Variants in MBD5 observed in about 807,000 individuals in gnomAD.
MBD5 encodes the protein methyl-CpG-binding domain protein 5.
A neutral mutation model predicts 117.3 loss-of-function variants in MBD5; 13 were observed. The ratio of observed to expected loss-of-function variants is 0.11; its 90% CI spans 0.07 to 0.18. MBD5 has a LOEUF of 0.18. Ranked by LOEUF, MBD5 falls within the 10% of genes least tolerant of loss-of-function variation. MBD5 has a pLI of 1.00. For synonymous variants in MBD5, 727 were observed against 766.4 expected (o/e 0.95, Z 0.85); for missense variants, 1,879 against 2,093.8 (o/e 0.90, Z 2.00).
intron 1 of MBD5, among the ~76,000 whole-genome samples, chr2:148,148,408 C>T (rs886166716): frequency 3.3e-5 from 5 of 152,238 alleles, no homozygotes; most frequent in Admixed American, 3.3e-4. Context: ...AATTAAAATG[C>T]CACAAGATTC....
At chr2:148,251,601 A>C (rs1356562807) in intron 3 of MBD5, among the ~76,000 whole-genome samples, 1 of 152,194 alleles carries the variant, frequency 6.6e-6, no homozygotes, top group African/African-American at 2.4e-5. Flanking sequence ...CGTAATTCCT[A>C]TTCAATTGAA....
At chr2:148,154,838 C>T (rs1428660001) in intron 1 of MBD5, among the ~76,000 whole-genome samples, 1 of 152,272 alleles carries the variant, frequency 6.6e-6, no homozygotes, top group South Asian at 2.1e-4. Flanking sequence ...GTCTGGCACT[C>T]CCTAGTGAGA....
chr2:148,225,161 A>G (rs1326444731), intron 2 of MBD5, among the ~76,000 whole-genome samples: 1 of 151,992 alleles, frequency 6.6e-6, no homozygotes, highest in East Asian at 1.9e-4. Flanking sequence ...TCTTCCCTTC[A>G]GTGAAGGTGA....
At chr2:148,188,976 G>T (rs527809610) in intron 2 of MBD5, among the ~76,000 whole-genome samples, 4 of 150,616 alleles carry the variant, frequency 2.7e-5, no homozygotes, top group African/African-American at 7.4e-5. Context: ...TTCCCTTTCC[G>T]AGTCAAAGAA....
intron 1 of MBD5, among the ~76,000 whole-genome samples, chr2:148,133,268 A>G (rs1424987511): frequency 6.6e-6 from 1 of 152,138 alleles, no homozygotes; most frequent in African/African-American, 2.4e-5. Context: ...TTCCTCTTGG[A>G]GTTGTTAAAT....
In MBD5 at chr2:148,296,863, AATTTT is replaced by A. The variant is rs1014321398; in HGVS notation, c.-679-45350_-679-45346del. Among the ~76,000 whole-genome samples, 3 of 37,714 alleles carry A rather than the reference AATTTT, an allele frequency of 8.0e-5. 1 individual carries two copies. Among genetic ancestry groups the A allele is most frequent in the Non-Finnish European group, 1.1e-4 (2 of 18,978 alleles). 24.7% of individuals were successfully genotyped at this position (37,714 alleles called of 152,430 possible). On this transcript the variant is annotated intron_variant, in intron 3 of 13. Transcript: ENST00000642680. ...TAAGCATAGTTTGCTTTAGTTCTTC[AATTTT>A]TTTTTTTTTTTTTTTTGGAGACAGA...
chr2:148,483,895 G>A lies in MBD5; in HGVS notation c.3304G>A (p.Ala1102Thr), dbSNP rs547987168. 2.3e-5 allele frequency: 35 copies of A among 1,550,386 alleles called. No homozygotes were observed. The highest frequency in any genetic ancestry group is 3.6e-5 in the South Asian group (3 of 84,056). ...GVLNSASANT[A>T]NHPEVSIATS... ...CCTGAACTCGGCATCGGCCAACACC[G>A]CTAATCATCCAGAGGTTTCCATAGC... Residue 1102 changes from alanine (A) to threonine (T), a missense_variant, in exon 9 of 14, where the codon GCT (alanine) becomes ACT (threonine). Around this residue, in one of 4 missense-constraint regions of MBD5, gnomAD observed 1,666 missense variants for 1,792.2 expected, o/e 0.93. Coordinates refer to ENST00000642680, the MANE Select transcript of MBD5 (RefSeq NM_001378120.1).
At chr2:148,369,944 C>T (rs1421877915) in intron 4 of MBD5, among the ~76,000 whole-genome samples, 1 of 152,126 alleles carries the variant, frequency 6.6e-6, no homozygotes, top group Non-Finnish European at 1.5e-5. Context: ...CAGTCTCTTC[C>T]AATCCCCACC....
chr2:148,231,215 A>G (rs1264836344), intron 2 of MBD5, among the ~76,000 whole-genome samples: 1 of 152,176 alleles, frequency 6.6e-6, no homozygotes, highest in Non-Finnish European at 1.5e-5. Flanking sequence ...GCTTGCAGGA[A>G]CTCAAGTTTG....
intron 4 of MBD5, among the ~76,000 whole-genome samples, chr2:148,407,914 A>C (rs1485251515): frequency 6.6e-6 from 1 of 152,180 alleles, no homozygotes; most frequent in Non-Finnish European, 1.5e-5. Context: ...TCTGACAAAA[A>C]CAACCAATCA....
chr2:148,240,470 G>A (rs768250723), intron 3 of MBD5, among the ~76,000 whole-genome samples: 6 of 151,114 alleles, frequency 4.0e-5, no homozygotes, highest in South Asian at 2.1e-4. Flanking sequence ...GGCTGGTCTC[G>A]AATGCCTGGG....
chr2:148,384,593 T>C (rs987537836), intron 4 of MBD5, among the ~76,000 whole-genome samples: 1 of 152,040 alleles, frequency 6.6e-6, no homozygotes, highest in Non-Finnish European at 1.5e-5. Context: ...ACTTTCTTCA[T>C]GGAATTGGAA....
intron 4 of MBD5, among the ~76,000 whole-genome samples, chr2:148,358,519 G>A (rs1424820645): frequency 1.3e-5 from 2 of 151,380 alleles, no homozygotes; most frequent in African/African-American, 4.9e-5. Context: ...ACGCCTGTAA[G>A]TGCTCACACA....
chr2:148,158,788 C>T (rs1697932873), intron 1 of MBD5, among the ~76,000 whole-genome samples: 1 of 152,090 alleles, frequency 6.6e-6, no homozygotes. Flanking sequence ...GGCGCAATCT[C>T]AGCTCACTGC....
At chr2:148,114,418 T>G (rs540426943) in intron 1 of MBD5, among the ~76,000 whole-genome samples, 36 of 152,098 alleles carry the variant, frequency 2.4e-4, no homozygotes, top group Middle Eastern at 3.4e-3. Flanking sequence ...TGCAGTGAGC[T>G]GAGATTGCAC....
intron 2 of MBD5, among the ~76,000 whole-genome samples, chr2:148,209,237 GA>G (rs1423019878): frequency 7.2e-5 from 11 of 152,200 alleles, no homozygotes; most frequent in African/African-American, 2.6e-4. Flanking sequence ...ACTCTAGTCA[GA>G]ATGTTTCTGT....
chr2:148,345,396 CATATAT>C, intron 4 of MBD5, among the ~76,000 whole-genome samples: 1 of 99,222 alleles, frequency 1.0e-5, no homozygotes, highest in East Asian at 8.9e-4. Flanking sequence ...TATACATATA[CATATAT>C]ACACATATAC....
intron 1 of MBD5, among the ~76,000 whole-genome samples, chr2:148,046,581 C>T (rs918421596): frequency 6.6e-6 from 1 of 152,158 alleles, no homozygotes; most frequent in African/African-American, 2.4e-5. Context: ...TCTTCCACCC[C>T]TTCTTTACCT....
At chr2:148,462,537 G>A (rs764705483) in intron 5 of MBD5, 45 bp from the exon 6 acceptor site, 35 of 1,181,910 alleles carry the variant, frequency 3.0e-5, no homozygotes, top group Non-Finnish European at 4.2e-5. Flanking sequence ...TATAATATGT[G>A]TAGTCAAAAT....
Sources: gnomAD v4.1 joint callset for allele counts (sites outside exome capture counted in the v4.1 genomes callset) on GRCh38, gnomAD v4.1.1 for gene constraint, gnomAD v4.1.1 regional missense constraint, MANE v1.5 for transcripts, NCBI Gene and HGNC (gene_info 2026-07-23, HGNC 2026-07-21) for gene names.